The following ALDH18A1 variants were observed in gnomAD, a reference collection of about 807,000 sequenced individuals.
ALDH18A1 encodes the protein aldehyde dehydrogenase 18 family member A1, also known as delta-1-pyrroline-5-carboxylate synthase.
Under a neutral mutation model 88.8 loss-of-function variants are expected in ALDH18A1, and 44 were observed. That is an observed-to-expected ratio of 0.50 (90% CI 0.39 to 0.64). ALDH18A1 has a LOEUF of 0.64. Ranked by LOEUF, ALDH18A1 falls within the 30% of genes least tolerant of loss-of-function variation. The pLI is 0.00. For synonymous variants in ALDH18A1, 331 were observed against 372.1 expected (o/e 0.89, Z 1.27); for missense variants, 782 against 1,009.5 (o/e 0.77, Z 3.05).
intron 13 of ALDH18A1, 34 bp downstream of exon 13, chr10:95,616,437 GCCCCTC>G: frequency 6.4e-7 from 1 of 1,552,802 alleles, no homozygotes; most frequent in Non-Finnish European, 8.7e-7. Context: ...ACCTGATCTG[GCCCCTC>G]TGGGCCTGAC....
intron 15 of ALDH18A1, among the ~76,000 whole-genome samples, chr10:95,613,163 T>C (rs904938202): frequency 3.3e-5 from 5 of 152,382 alleles, no homozygotes; most frequent in African/African-American, 4.8e-5. Context: ...TATATTTTCT[T>C]GCAGGCATGA....
At chr10:95,641,523 G>GT (rs201217020) in intron 3 of ALDH18A1, among the ~76,000 whole-genome samples, 3,971 of 140,280 alleles carry the variant, frequency 0.028, 101 homozygotes, top group Non-Finnish European at 0.044. Flanking sequence ...GCAGGGGCGG[G>GT]TGGGGGGGTG....
intron 7 of ALDH18A1, among the ~76,000 whole-genome samples, chr10:95,630,494 C>T (rs1019897489): frequency 5.1e-4 from 78 of 152,286 alleles, no homozygotes; most frequent in African/African-American, 1.8e-3. Context: ...AGGAGGATCA[C>T]GAGGTGAGGA....
At position 95,637,359 on chromosome 10, in the gene ALDH18A1, C is replaced by T. The variant is rs2097882761; in HGVS notation, c.381G>A (p.Leu127=). The T allele has an allele frequency of 6.2e-7, 1 of 1,614,226 alleles. No individual in the cohort carries two copies. Among genetic ancestry groups the T allele is most frequent in the Non-Finnish European group, 8.5e-7 (1 of 1,180,046 alleles). The change falls in exon 4 of 18, where the codon TTG becomes TTA. Residue 127 remains leucine (L), a synonymous_variant. Transcript: ENST00000371224. ...TCTGAGACAGAAGGATCTCATGGCG[C>T]AAGCGTTGTTTGCCAAAGGCTACGG... ...SGAVAFGKQR[L]RHEILLSQSV...
Position 95,613,618 on chromosome 10 carries a change from T to C in ALDH18A1, c.1923+124A>G, listed in dbSNP as rs950760470. On this transcript the variant is annotated intron_variant, in intron 15 of 17. Coordinates refer to ENST00000371224, the MANE Select transcript of ALDH18A1 (RefSeq NM_002860.4). ...CTCACACTTTACTTAGCATGGAACT[T>C]TGTACACAGAAGATATTAAAAAATA... is the stretch of plus-strand genomic sequence containing the variant. 10 of 1,316,808 alleles carry C rather than the reference T, an allele frequency of 7.6e-6. No individual in the cohort carries two copies. The Admixed American group carries it at 1.1e-4, about 14-fold the overall frequency. The allele number at this position is 1,316,808 out of a possible 1,614,324, so 81.6% of individuals were successfully genotyped here. A position where few individuals can be genotyped will look rare whatever the true frequency, so the allele number is the denominator to read the frequency against.
chr10:95,613,354 T>C (rs983064931), intron 15 of ALDH18A1, among the ~76,000 whole-genome samples: 1 of 152,218 alleles, frequency 6.6e-6, no homozygotes, highest in African/African-American at 2.4e-5. Context: ...GCAGTGAATG[T>C]ACATAAGTTT....
Position 95,606,359 on chromosome 10 carries a change from A to G in ALDH18A1, c.*403T>C. 3 of 1,016,876 alleles carry G rather than the reference A, an allele frequency of 3.0e-6. No individual in the cohort carries two copies. Among genetic ancestry groups the G allele is most frequent in the Non-Finnish European group, 3.5e-6 (3 of 848,448 alleles). 63.0% of individuals were successfully genotyped at this position (1,016,876 alleles called of 1,614,324 possible). A position where few individuals can be genotyped will look rare whatever the true frequency, so the allele number is the denominator to read the frequency against. ...CTTTTTGAAGATGACTACATGTGAA[A>G]GAAATAAAATGTGAAAAGATTTGTT... On this transcript the variant is annotated 3_prime_UTR_variant, in exon 18 of 18. Transcript: ENST00000371224.
At chr10:95,635,612 A>G (rs1163390362) in intron 5 of ALDH18A1, among the ~76,000 whole-genome samples, 1 of 152,204 alleles carries the variant, frequency 6.6e-6, no homozygotes, top group Non-Finnish European at 1.5e-5. Context: ...AAAGGTACAA[A>G]GGGCAAATAT....
intron 13 of ALDH18A1, among the ~76,000 whole-genome samples, chr10:95,614,863 C>A (rs1187867170): frequency 1.3e-5 from 2 of 152,040 alleles, no homozygotes; most frequent in Admixed American, 1.3e-4. Flanking sequence ...AAATATTCAT[C>A]AAGAGAAGAA....
chr10:95,626,512 CTATA>C lies in ALDH18A1; in HGVS notation c.1152+187_1152+190del, dbSNP rs577439686. Among the ~76,000 whole-genome samples, 25 of 151,946 alleles carry C rather than the reference CTATA, an allele frequency of 1.6e-4. No individual in the cohort carries two copies. In the East Asian group the frequency reaches 4.5e-3, roughly 27 times the overall value. On this transcript the variant is annotated intron_variant, in intron 10 of 17. Coordinates refer to ENST00000371224, the MANE Select transcript of ALDH18A1 (RefSeq NM_002860.4). ...ATGAAAAGTTATCTTGGACCTCTGT[CTATA>C]AAAGATAAAACGGAAAATAAAATTA... is the stretch of plus-strand genomic sequence containing the variant.
chr10:95,627,313 AT>A, intron 9 of ALDH18A1, 128 bp downstream of exon 9: 1 of 1,309,726 alleles, frequency 7.6e-7, no homozygotes, highest in Non-Finnish European at 1.1e-6. Context: ...GCAAAATCCG[AT>A]TTTGCAAATA....
intron 8 of ALDH18A1, among the ~76,000 whole-genome samples, chr10:95,628,102 T>G (rs2097862915): frequency 6.6e-6 from 1 of 152,214 alleles, no homozygotes; most frequent in African/African-American, 2.4e-5. Context: ...TTATGAATTA[T>G]GAAAAATATA....
In ALDH18A1 at chr10:95,653,358, C is replaced by G. The variant is rs753553298; in HGVS notation, c.20G>C (p.Arg7Pro). Residue 7 changes from arginine (R) to proline (P), a missense_variant, in exon 2 of 18, where the codon CGC becomes CCC. Arg to Pro is a moderately radical substitution (Grantham distance 103, BLOSUM62 -2). Transcript: ENST00000371224. Reference protein sequence around the residue: MLSQVYRCGFQPFNQHL... With the variant: MLSQVYPCGFQPFNQHL... Reference sequence around the variant, plus strand: ...TTGGTTGAAGGGCTGGAACCCACAGCGGTAAACTTGACTCAACATGCTGCG... The same window carrying G: ...TTGGTTGAAGGGCTGGAACCCACAGGGGTAAACTTGACTCAACATGCTGCG... The G allele has an allele frequency of 1.9e-5, 31 of 1,613,190 alleles. No homozygotes were observed. Among genetic ancestry groups the G allele is most frequent in the Non-Finnish European group, 2.4e-5 (28 of 1,179,914 alleles).
chr10:95,647,297 C>T (rs1190134759), intron 2 of ALDH18A1, among the ~76,000 whole-genome samples: 1 of 152,186 alleles, frequency 6.6e-6, no homozygotes, highest in African/African-American at 2.4e-5. Context: ...AGTGTTGGCT[C>T]TGGAGCCAGA....
intron 7 of ALDH18A1, among the ~76,000 whole-genome samples, chr10:95,631,561 G>A (rs776434381): frequency 6.6e-6 from 1 of 151,884 alleles, no homozygotes; most frequent in Non-Finnish European, 1.5e-5. Context: ...TGGCCCAAAT[G>A]GTGAAACCCC....
intron 5 of ALDH18A1, among the ~76,000 whole-genome samples, chr10:95,635,396 G>C (rs2097878748): frequency 6.6e-6 from 1 of 152,188 alleles, no homozygotes; most frequent in Non-Finnish European, 1.5e-5. Context: ...ATGAAGGTAG[G>C]AGATAAAGAG....
intron 13 of ALDH18A1, among the ~76,000 whole-genome samples, chr10:95,615,724 C>T (rs2097843123): frequency 6.6e-6 from 1 of 152,040 alleles, no homozygotes; most frequent in Admixed American, 6.6e-5. Flanking sequence ...AGACATCCTC[C>T]CAGTAGCCAA....
intron 3 of ALDH18A1, among the ~76,000 whole-genome samples, chr10:95,637,917 C>T (rs976990320): frequency 3.9e-5 from 6 of 151,920 alleles, no homozygotes; most frequent in Non-Finnish European, 8.8e-5. Context: ...CCCATGATCG[C>T]ACCACCACAC....
intron 2 of ALDH18A1, among the ~76,000 whole-genome samples, chr10:95,651,406 G>A (rs1359869983): frequency 2.7e-5 from 4 of 150,722 alleles, no homozygotes; most frequent in Non-Finnish European, 4.5e-5. Context: ...AAGACAGTTT[G>A]ACAGTTTCTT....
Sources: allele counts gnomAD v4.1 joint callset (sites outside exome capture counted in the v4.1 genomes callset), GRCh38; gene constraint gnomAD v4.1.1; transcripts MANE v1.5; gene names NCBI Gene and HGNC (gene_info 2026-07-23, HGNC 2026-07-21).